SCRT2: variants seen among roughly 807,000 people sequenced by gnomAD.
SCRT2 encodes the protein scratch family transcriptional repressor 2.
In SCRT2, 2 loss-of-function variants were observed where a neutral mutation model predicts 3.7. The observed-to-expected ratio is 0.54, with a 90% CI of 0.22 to 1.70. The LOEUF is 1.70. SCRT2 is among the 40% of genes most tolerant of loss of function. The pLI is 0.19. For synonymous variants in SCRT2, 256 were observed against 220.6 expected (o/e 1.16, Z -1.42); for missense variants, 456 against 468.5 (o/e 0.97, Z 0.25).
intron 1 of SCRT2, among the ~76,000 whole-genome samples, chr20:674,318 A>G (rs541695678): frequency 7.2e-6 from 1 of 139,532 alleles, no homozygotes; most frequent in Non-Finnish European, 1.5e-5. Context: ...CCTCATCCTC[A>G]GTCCTTTCTT....
rs952708621 is a variant in SCRT2 at position 663,677 on chromosome 20, G to C, written c.918C>G (p.Ala306=). The C allele has an allele frequency of 1.3e-6, 2 of 1,497,348 alleles. No individual in the cohort carries two copies. Among genetic ancestry groups the C allele is most frequent in the African/African-American group, 2.9e-5 (2 of 69,370 alleles). The allele number at this position is 1,497,348 out of a possible 1,614,324, so 92.8% of individuals were successfully genotyped here. A position where few individuals can be genotyped will look rare whatever the true frequency, so the allele number is the denominator to read the frequency against. ...CGAGGGCGAGGCGGAAGGCTCAGCT[G>C]GCCGGGCCGGCGGGGGTCGGCGGGG... ...EPPPPTPAGP[A]S Residue 306 remains alanine (A), a synonymous_variant, in exon 2 of 2, where the codon GCC becomes GCG. Transcript: ENST00000246104. The surrounding 1 kb of genome is among the most constrained non-coding windows in gnomAD (Gnocchi z 6.9).
rs1404348298 is a variant in SCRT2 at position 662,317 on chromosome 20, C to T, written c.*1354G>A. ...GGAAACAAATCGAAGAGGCTCCTCT[C>T]TCCGGGCCGCCTGGAGTGGCAGGGG... is the stretch of plus-strand genomic sequence containing the variant. On this transcript the variant is annotated 3_prime_UTR_variant, in exon 2 of 2. Transcript: ENST00000246104. The T allele has an allele frequency of 1.3e-5, 2 of 152,710 alleles. No homozygotes were observed. The highest frequency in any genetic ancestry group is 4.8e-5 in the African/African-American group (2 of 41,468). 9.5% of individuals were successfully genotyped at this position (152,710 alleles called of 1,614,324 possible).
At position 664,469 on chromosome 20, in the gene SCRT2, G is replaced by T; in HGVS notation, c.134-8C>A. ...GGCGGTGCGGGGCGTACCCTGGAGG[G>T]GGCGAGAAGTGGAGGGGCGGTGAGA... is the stretch of plus-strand genomic sequence containing the variant. On this transcript the variant is annotated splice_region_variant and splice_polypyrimidine_tract_variant and intron_variant, in intron 1 of 1. Coordinates refer to ENST00000246104, the MANE Select transcript of SCRT2 (RefSeq NM_033129.4). The surrounding 1 kb of genome is among the most constrained non-coding windows in gnomAD (Gnocchi z 7.9). 1 of 1,249,054 alleles carries T rather than the reference G, an allele frequency of 8.0e-7. No individual in the cohort carries two copies. Among genetic ancestry groups the T allele is most frequent in the Non-Finnish European group, 1.0e-6 (1 of 994,536 alleles). 77.4% of individuals were successfully genotyped at this position (1,249,054 alleles called of 1,614,324 possible).
At chr20:668,686 T>C (rs1267088551) in intron 1 of SCRT2, among the ~76,000 whole-genome samples, 1 of 152,204 alleles carries the variant, frequency 6.6e-6, no homozygotes, top group Admixed American at 6.5e-5. Context: ...ATGACTTTGG[T>C]TTTCCCTGCC....
In SCRT2 at chr20:662,378, G is replaced by A. The variant is rs939127569; in HGVS notation, c.*1293C>T. ...AAGGTGGGGACCTGCCCCACGCCTG[G>A]ACCTCCTGATGCTCCCTCACCCCCC... On this transcript the variant is annotated 3_prime_UTR_variant, in exon 2 of 2. Transcript: ENST00000246104. 6.6e-6 allele frequency: 1 copy of A among 152,440 alleles called. No individual in the cohort carries two copies. Among genetic ancestry groups the A allele is most frequent in the Non-Finnish European group, 1.5e-5 (1 of 68,138 alleles). The allele number at this position is 152,440 out of a possible 1,614,324, so 9.4% of individuals were successfully genotyped here.
rs980434676 is a variant in SCRT2 at position 666,822 on chromosome 20, TCATGTGTCTGGGGC to T, written c.134-2375_134-2362del. Among the ~76,000 whole-genome samples the T allele has an allele frequency of 1.3e-5, 2 of 152,226 alleles. No individual in the cohort carries two copies. The highest frequency in any genetic ancestry group is 2.9e-5 in the Non-Finnish European group (2 of 68,038). ...CCTGGTCTCAGGGCAGGTCTGCATC[TCATGTGTCTGGGGC>T]CATGGAAGGGGAAGGGTGGTTTGGT... On this transcript the variant is annotated intron_variant, in intron 1 of 1. Coordinates refer to ENST00000246104, the MANE Select transcript of SCRT2 (RefSeq NM_033129.4). The surrounding 1 kb of genome is among the most constrained non-coding windows in gnomAD (Gnocchi z 4.4).
chr20:664,277 G>A lies in SCRT2; in HGVS notation c.318C>T (p.Tyr106=). The A allele has an allele frequency of 1.4e-6, 2 of 1,464,544 alleles. No individual in the cohort carries two copies. The highest frequency in any genetic ancestry group is 1.8e-6 in the Non-Finnish European group (2 of 1,096,346). 90.7% of individuals were successfully genotyped at this position (1,464,544 alleles called of 1,614,324 possible). The change falls in exon 2 of 2, where the codon TAC becomes TAT. Residue 106 remains tyrosine, a synonymous_variant. Coordinates refer to ENST00000246104, the MANE Select transcript of SCRT2 (RefSeq NM_033129.4). This position sits in a 1 kb window ranked among gnomAD's most constrained non-coding sequence, Gnocchi z 7.9. ...FRGEAAVTDS[Y]SMDAFFISDG... The stretch of plus-strand genomic sequence containing the variant: ...CCGAGATGAAGAAGGCGTCCATGGA[G>A]TAGCTGTCGGTCACTGCCGCCTCCC...
In SCRT2 at chr20:663,674, G is replaced by C. The variant is rs1016662746; in HGVS notation, c.921C>G (p.Ser307Arg). The change falls in exon 2 of 2, where the codon AGC (serine) becomes AGG (arginine). Residue 307 changes from serine to arginine, a missense_variant. Coordinates refer to ENST00000246104, the MANE Select transcript of SCRT2 (RefSeq NM_033129.4). This position sits in a 1 kb window ranked among gnomAD's most constrained non-coding sequence, Gnocchi z 6.9. ...PPPPTPAGPA[S>R] ...GCGCGAGGGCGAGGCGGAAGGCTCA[G>C]CTGGCCGGGCCGGCGGGGGTCGGCG... is the stretch of plus-strand genomic sequence containing the variant. 2.0e-6 allele frequency: 3 copies of C among 1,491,358 alleles called. No homozygotes were observed. The African/African-American group carries it at 4.3e-5, about 22-fold the overall frequency. 92.4% of individuals were successfully genotyped at this position (1,491,358 alleles called of 1,614,324 possible).
Position 663,635 on chromosome 20 carries a change from A to AT in SCRT2, c.*35_*36insA. 7.4e-7 allele frequency: 1 copy of AT among 1,352,906 alleles called. No homozygotes were observed. The highest frequency in any genetic ancestry group is 9.4e-7 in the Non-Finnish European group (1 of 1,060,594). The allele number at this position is 1,352,906 out of a possible 1,614,324, so 83.8% of individuals were successfully genotyped here. A position where few individuals can be genotyped will look rare whatever the true frequency, so the allele number is the denominator to read the frequency against. On this transcript the variant is annotated 3_prime_UTR_variant, in exon 2 of 2. Coordinates refer to ENST00000246104, the MANE Select transcript of SCRT2 (RefSeq NM_033129.4). The surrounding 1 kb of genome is among the most constrained non-coding windows in gnomAD (Gnocchi z 6.9). The stretch of plus-strand genomic sequence containing the variant: ...CAGGTAGGGGGCCCGGGGCGCGTGG[A>AT]GAGCGAGTTCCGGGCGCGAGGGCGA...
chr20:672,756 T>G (rs2122358560), intron 1 of SCRT2, among the ~76,000 whole-genome samples: 1 of 69,390 alleles, frequency 1.4e-5, no homozygotes, highest in Admixed American at 2.0e-4. Flanking sequence ...CCTCCCTCCC[T>G]TGCTTCTCCT....
In SCRT2 at chr20:675,636, G is replaced by T. The variant is rs1353275607; in HGVS notation, c.-35C>A. On this transcript the variant is annotated 5_prime_UTR_variant, in exon 1 of 2. Coordinates refer to ENST00000246104, the MANE Select transcript of SCRT2 (RefSeq NM_033129.4). The surrounding 1 kb of genome is among the most constrained non-coding windows in gnomAD (Gnocchi z 6.9). Reference sequence around the variant, plus strand: ...GGCGCGGGGCTCGGTGCGGGGAGGCGGCCGGCCGGGCGCGATCGGCTGTGT... The same window carrying T: ...GGCGCGGGGCTCGGTGCGGGGAGGCTGCCGGCCGGGCGCGATCGGCTGTGT... The T allele has an allele frequency of 2.4e-6, 3 of 1,252,836 alleles. No homozygotes were observed. The highest frequency in any genetic ancestry group is 1.6e-5 in the African/African-American group (1 of 64,036). 77.6% of individuals were successfully genotyped at this position (1,252,836 alleles called of 1,614,324 possible).
chr20:672,292 G>A (rs1261939388), intron 1 of SCRT2, among the ~76,000 whole-genome samples: 2 of 152,054 alleles, frequency 1.3e-5, no homozygotes, highest in Non-Finnish European at 1.5e-5. Context: ...CTGTGGGCTT[G>A]GGGGGACCCT....
chr20:672,129 G>T (rs186034976), intron 1 of SCRT2, among the ~76,000 whole-genome samples: 1 of 152,282 alleles, frequency 6.6e-6, no homozygotes, highest in Admixed American at 6.5e-5. Flanking sequence ...TCACCCAGGG[G>T]AGAAGAGGGG....
rs1221558957 is a variant in SCRT2, at chr20:663,764, G to A, written c.831C>T (p.Phe277=). The change falls in exon 2 of 2, where the codon TTC becomes TTT. Residue 277 remains phenylalanine (F), a synonymous_variant. Coordinates refer to ENST00000246104, the MANE Select transcript of SCRT2 (RefSeq NM_033129.4). This position sits in a 1 kb window ranked among gnomAD's most constrained non-coding sequence, Gnocchi z 6.9. The part of the protein sequence containing the change: ...HYRCRQCDKS[F]ALKSYLHKHC... Reference sequence around the variant, plus strand: ...GCTTGTGGAGGTAGGACTTGAGCGCGAAGCTCTTGTCGCACTGGCGGCAGC... The same window carrying A: ...GCTTGTGGAGGTAGGACTTGAGCGCAAAGCTCTTGTCGCACTGGCGGCAGC... 1 of 1,583,130 alleles carries A rather than the reference G, an allele frequency of 6.3e-7. No individual in the cohort carries two copies. Among genetic ancestry groups the A allele is most frequent in the Admixed American group, 1.8e-5 (1 of 55,108 alleles).
In SCRT2 at chr20:663,804, G is replaced by A; in HGVS notation, c.791C>T (p.Ala264Val). 1 of 1,595,828 alleles carries A rather than the reference G, an allele frequency of 6.3e-7. No individual in the cohort carries two copies. The highest frequency in any genetic ancestry group is 8.5e-7 in the Non-Finnish European group (1 of 1,173,302). The change falls in exon 2 of 2, where the codon GCC (alanine) becomes GTC (valine). Residue 264 changes from alanine (A) to valine (V), a missense_variant. Ala to Val is a moderately conservative substitution (Grantham distance 64). Coordinates refer to ENST00000246104, the MANE Select transcript of SCRT2 (RefSeq NM_033129.4). This position sits in a 1 kb window ranked among gnomAD's most constrained non-coding sequence, Gnocchi z 6.9. ...CTGGCGGCAGCGGTAGTGCTTGAAG[G>A]CCGAGTGCGTCTGCATGTGCGCGCG... ...NLRAHMQTHS[A>V]FKHYRCRQCD...
At chr20:669,871 AG>A (rs1182499664) in intron 1 of SCRT2, among the ~76,000 whole-genome samples, 1 of 152,176 alleles carries the variant, frequency 6.6e-6, no homozygotes, top group Non-Finnish European at 1.5e-5. Context: ...CCTCCTCCAA[AG>A]GCCTGGCAGC....
chr20:670,811 C>T (rs1160797878), intron 1 of SCRT2, among the ~76,000 whole-genome samples: 3 of 152,196 alleles, frequency 2.0e-5, no homozygotes, highest in Non-Finnish European at 2.9e-5. Flanking sequence ...ACCCTCACGT[C>T]CCTCTCGTAA....
Position 675,704 on chromosome 20 carries a change from G to A in SCRT2, c.-103C>T, listed in dbSNP as rs1022658554. 24 of 863,348 alleles carry A rather than the reference G, an allele frequency of 2.8e-5. No individual in the cohort carries two copies. The African/African-American group carries it at 4.3e-4, about 15-fold the overall frequency. 53.5% of individuals were successfully genotyped at this position (863,348 alleles called of 1,614,324 possible). ...ACTGGACAGCTCCCAGCGGGCTGGA[G>A]CGCGGGAGGCCGCTCGGAGCCGGCA... On this transcript the variant is annotated 5_prime_UTR_variant, in exon 1 of 2. Coordinates refer to ENST00000246104, the MANE Select transcript of SCRT2 (RefSeq NM_033129.4). This position sits in a 1 kb window ranked among gnomAD's most constrained non-coding sequence, Gnocchi z 6.9.
chr20:664,161 G>T lies in SCRT2; in HGVS notation c.434C>A (p.Ala145Glu), dbSNP rs769356884. 3 of 1,070,478 alleles carry T rather than the reference G, an allele frequency of 2.8e-6. No homozygotes were observed. Among genetic ancestry groups the T allele is most frequent in the South Asian group, 8.7e-5 (2 of 22,984 alleles). 66.3% of individuals were successfully genotyped at this position (1,070,478 alleles called of 1,614,324 possible). The change falls in exon 2 of 2, where the codon GCG becomes GAG. Residue 145 changes from alanine to glutamate, a missense_variant. By Grantham distance (107) the Ala-to-Glu change is moderately radical. This residue lies in a region of SCRT2 where 306 missense variants were observed against 305.3 expected (regional missense o/e 1.00). Transcript: ENST00000246104. The surrounding 1 kb of genome is among the most constrained non-coding windows in gnomAD (Gnocchi z 7.9). Reference protein sequence around the residue: ...AGGAGGRAGRAGAQAGGGHRH... With the variant: ...AGGAGGRAGREGAQAGGGHRH... ...GTGCCCGCCGCCCGCCTGCGCCCCC[G>T]CGCGCCCCGCGCGCCCCCCGGCGCC...
Sources: allele counts gnomAD v4.1 joint callset (sites outside exome capture counted in the v4.1 genomes callset), GRCh38; gene constraint gnomAD v4.1.1; regional missense constraint gnomAD v4.1.1; non-coding constraint Gnocchi (gnomAD v3.1); transcripts MANE v1.5; gene names NCBI Gene and HGNC (gene_info 2026-07-23, HGNC 2026-07-21).